Variants in ZNF385D observed in about 807,000 individuals in gnomAD.
The protein encoded by ZNF385D is zinc finger protein 385D, also known as zinc finger protein 659.
Under a neutral mutation model 35.8 loss-of-function variants are expected in ZNF385D, and 15 were observed. The ratio of observed to expected loss-of-function variants is 0.42; its 90% confidence interval spans 0.28 to 0.64. ZNF385D has a LOEUF of 0.64. Ranked by LOEUF, ZNF385D falls within the 30% of genes least tolerant of loss-of-function variation. The pLI is 0.23. For missense variants in ZNF385D, 474 were observed against 494.6 expected, an observed-to-expected ratio of 0.96 and a Z score of 0.39; for synonymous variants, 212 against 186.8, an observed-to-expected ratio of 1.13 and a Z score of -1.10.
intron 2 of ZNF385D, among the ~76,000 whole-genome samples, chr3:21,637,520 A>G (rs757388567): frequency 4.6e-5 from 7 of 152,078 alleles, no homozygotes; most frequent in African/African-American, 7.2e-5. Flanking sequence ...GCCTTACAGT[A>G]TAGTTTGAAG....
At chr3:22,168,840 T>A in exon 3 of ZNF385D, 1 of 985,882 alleles carries the variant, frequency 1.0e-6, no homozygotes, top group South Asian at 4.7e-5. Flanking sequence ...CAGCGTCCCA[T>A]TGCTGAGTTG....
intron 3 of ZNF385D, among the ~76,000 whole-genome samples, chr3:21,858,502 G>A (rs1388540362): frequency 6.6e-6 from 1 of 151,958 alleles, no homozygotes; most frequent in East Asian, 1.9e-4. Flanking sequence ...CTCATGAATG[G>A]ATTAGTGTCC....
chr3:21,463,507 G>C (rs545162152), intron 4 of ZNF385D, among the ~76,000 whole-genome samples: 1 of 152,308 alleles, frequency 6.6e-6, no homozygotes, highest in East Asian at 1.9e-4. Context: ...CTGGGACCCT[G>C]AGCAGCCTGA....
At chr3:22,238,297 T>TC (rs201155968) in intron 2 of ZNF385D, among the ~76,000 whole-genome samples, 2,738 of 151,134 alleles carry the variant, frequency 0.018, 78 homozygotes, top group Non-Finnish European at 0.03. Flanking sequence ...CTATTGGGGG[T>TC]CCCTTGCATT....
chr3:22,006,676 T>C (rs570486099), intron 3 of ZNF385D, among the ~76,000 whole-genome samples: 1 of 152,080 alleles, frequency 6.6e-6, no homozygotes, highest in Non-Finnish European at 1.5e-5. Context: ...ATAATGCCTT[T>C]ATTTTTGGCA....
chr3:21,815,456 A>C (rs1212207259), intron 3 of ZNF385D, among the ~76,000 whole-genome samples: 1 of 152,206 alleles, frequency 6.6e-6, no homozygotes, highest in Non-Finnish European at 1.5e-5. Context: ...TAAAGAAGAA[A>C]AGAGAGAAGA....
chr3:21,891,507 T>A (rs1698864003), intron 3 of ZNF385D, among the ~76,000 whole-genome samples: 1 of 152,194 alleles, frequency 6.6e-6, no homozygotes, highest in South Asian at 2.1e-4. Context: ...TTGTTTACTA[T>A]CTTTTTTCCT....
At position 21,686,853 on chromosome 3, in the gene ZNF385D, C is replaced by G. The variant is rs1467313760; in HGVS notation, c.23-21825G>C. On this transcript the variant is annotated intron_variant, in intron 1 of 7. Coordinates refer to ENST00000281523, the MANE Select transcript of ZNF385D (RefSeq NM_024697.3). ...CACATTTTATCCACAACTGTGGGAT[C>G]TTACCTTTATATTTCTGGTCATCCC... is the stretch of plus-strand genomic sequence containing the variant. 7.9e-5 allele frequency among the ~76,000 whole-genome samples: 12 copies of G among 152,300 alleles called. No individual in the cohort carries two copies. The East Asian group carries it at 9.6e-4, about 12-fold the overall frequency.
intron 1 of ZNF385D, among the ~76,000 whole-genome samples, chr3:21,743,933 G>A (rs58890448): frequency 0.085 from 12,997 of 152,228 alleles, 914 homozygotes; most frequent in East Asian, 0.27. Context: ...AAACACAAAC[G>A]CATATTGGAT....
At chr3:22,328,764 A>C (rs550330705) in intron 2 of ZNF385D, among the ~76,000 whole-genome samples, 1 of 151,372 alleles carries the variant, frequency 6.6e-6, no homozygotes, top group African/African-American at 2.4e-5. Context: ...CCATCGCCAA[A>C]AAAAAAAAGT....
At chr3:22,246,391 C>T (rs929189145) in intron 2 of ZNF385D, among the ~76,000 whole-genome samples, 2 of 152,104 alleles carry the variant, frequency 1.3e-5, no homozygotes, top group Non-Finnish European at 2.9e-5. Flanking sequence ...GAATACCTTA[C>T]TCAACATCAG....
chr3:22,357,821 T>C (rs1156382738), intron 2 of ZNF385D, among the ~76,000 whole-genome samples: 2 of 152,006 alleles, frequency 1.3e-5, no homozygotes, highest in East Asian at 1.9e-4. Context: ...TCACATTTCA[T>C]TGGCCACAGC....
intron 3 of ZNF385D, among the ~76,000 whole-genome samples, chr3:21,823,503 CA>C (rs1694408636): frequency 6.6e-6 from 1 of 151,424 alleles, no homozygotes; most frequent in East Asian, 1.9e-4. Flanking sequence ...AGTATATAAA[CA>C]CATTTTGTTT....
rs866246703 is a variant in ZNF385D, at chr3:22,278,220, T to C, written c.106+94230A>G. Among the ~76,000 whole-genome samples, 20 of 152,050 alleles carry C rather than the reference T, an allele frequency of 1.3e-4. No homozygotes were observed. In the Middle Eastern group the frequency reaches 0.014, roughly 103 times the overall value. ...TTTAAAAAGAATGCAACTATAAATG[T>C]ATTCATTAGTACAAAGTAATTAACT... On this transcript the variant is annotated intron_variant, in intron 2 of 5. Coordinates refer to the ZNF385D transcript ENST00000494108.
At chr3:22,196,849 T>C (rs994199607) in intron 2 of ZNF385D, among the ~76,000 whole-genome samples, 1 of 152,118 alleles carries the variant, frequency 6.6e-6, no homozygotes. Flanking sequence ...CTGAGATCAT[T>C]TTCCCTCACT....
At chr3:21,693,685 A>C (rs1028548373) in intron 1 of ZNF385D, among the ~76,000 whole-genome samples, 3 of 152,162 alleles carry the variant, frequency 2.0e-5, no homozygotes, top group Admixed American at 1.3e-4. Flanking sequence ...AAATACTGGA[A>C]TCATCTCCCT....
At chr3:21,924,618 T>C (rs1694037) in intron 3 of ZNF385D, among the ~76,000 whole-genome samples, 139,468 of 152,218 alleles carry the variant, frequency 0.92, 63,992 homozygotes, top group East Asian at 0.98. Flanking sequence ...TACCCTTTAC[T>C]CTTCAAGATA....
intron 2 of ZNF385D, among the ~76,000 whole-genome samples, chr3:22,237,391 T>C (rs755563652): frequency 2.7e-4 from 41 of 152,196 alleles, no homozygotes; most frequent in Non-Finnish European, 5.1e-4. Flanking sequence ...TTGTGTTATT[T>C]TTATATTCTA....
chr3:21,943,870 A>C (rs1262790676), intron 3 of ZNF385D, among the ~76,000 whole-genome samples: 8 of 152,196 alleles, frequency 5.3e-5, no homozygotes, highest in Admixed American at 2.6e-4. Context: ...AGAAATCATT[A>C]AATACTGTTA....
Sources: gnomAD v4.1 joint callset for allele counts (sites outside exome capture counted in the v4.1 genomes callset) on GRCh38, gnomAD v4.1.1 for gene constraint, MANE v1.5 for transcripts, NCBI Gene and HGNC (gene_info 2026-07-23, HGNC 2026-07-21) for gene names.